LILRA2: variants seen among roughly 807,000 people sequenced by gnomAD.
LILRA2 encodes leukocyte immunoglobulin-like receptor subfamily A member 2.
A neutral mutation model predicts 47.9 loss-of-function variants in LILRA2; 45 were observed. The observed-to-expected ratio is 0.94, with a 90% confidence interval of 0.74 to 1.20. LILRA2 has a LOEUF of 1.20. Ranked by LOEUF, LILRA2 falls within the 50% of genes most tolerant of loss-of-function variation. LILRA2 has a pLI of 0.00. For missense variants in LILRA2, 651 were observed against 598.2 expected, an observed-to-expected ratio of 1.09 and a Z score of -0.92; for synonymous variants, 279 against 249.2, an observed-to-expected ratio of 1.12 and a Z score of -1.13.
chr19:54,573,585 C>G (rs1037550919), upstream of LILRA2: 4 of 748,332 alleles, frequency 5.3e-6, no homozygotes, highest in Admixed American at 6.8e-5. Context: ...GCTGCTACAT[C>G]CCAGGTCTCA....
At chr19:54,579,213 G>A (rs2062569334) in intron 6 of LILRA2, among the ~76,000 whole-genome samples, 1 of 152,088 alleles carries the variant, frequency 6.6e-6, no homozygotes, top group Admixed American at 6.5e-5. Context: ...TATTGCCTAG[G>A]TTTTCTTCTA....
rs934551895 is a variant in LILRA2, at chr19:54,588,536, G to C, written c.*1190G>C. 9 of 150,712 alleles carry C rather than the reference G, an allele frequency of 6.0e-5. No individual in the cohort carries two copies. Among genetic ancestry groups the C allele is most frequent in the African/African-American group, 2.2e-4 (9 of 41,220 alleles). 9.3% of individuals were successfully genotyped at this position (150,712 alleles called of 1,614,324 possible). On this transcript the variant is annotated 3_prime_UTR_variant, in exon 8 of 8. Transcript: ENST00000391738. ...CAGGAGAATGGCGTGAACCTGGGAG[G>C]CGGAGCTTGCAATGGGCCGAGATTG...
Position 54,574,858 on chromosome 19 carries a change from T to A in LILRA2, c.480T>A (p.Asp160Glu). 5 of 1,613,326 alleles carry A rather than the reference T, an allele frequency of 3.1e-6. No individual in the cohort carries two copies. The highest frequency in any genetic ancestry group is 4.2e-6 in the Non-Finnish European group (5 of 1,179,844). Reference sequence around the variant, plus strand: ...TCATTCTGTGTAAGGAAGGAGAAGATGAACACCCACAACGCCTGAACTCCC... The same window carrying A: ...TCATTCTGTGTAAGGAAGGAGAAGAAGAACACCCACAACGCCTGAACTCCC... The part of the protein sequence containing the change: ...DGFILCKEGE[D>E]EHPQRLNSHS... The change falls in exon 4 of 8, where the codon GAT (aspartate) becomes GAA (glutamate). Residue 160 changes from aspartate to glutamate, a missense_variant. Asp to Glu is a conservative substitution (Grantham distance 45). Transcript: ENST00000391738.
intron 6 of LILRA2, among the ~76,000 whole-genome samples, chr19:54,586,097 A>G (rs2062796792): frequency 6.6e-6 from 1 of 152,252 alleles, no homozygotes; most frequent in South Asian, 2.1e-4. Flanking sequence ...TCTAAATTAC[A>G]TGCCAATATT....
rs1416891653 is a variant in LILRA2, at chr19:54,574,760, C to T, written c.382C>T (p.Leu128=). 3 of 1,614,282 alleles carry T rather than the reference C, an allele frequency of 1.9e-6. No individual in the cohort carries two copies. The highest frequency in any genetic ancestry group is 2.5e-6 in the Non-Finnish European group (3 of 1,180,044). ...GAYSKPTLSA[L]PSPVVTSGGN... ...CTACAGCAAACCCACCCTCTCAGCT[C>T]TGCCCAGCCCTGTGGTGACCTCAGG... Residue 128 remains leucine (L), a synonymous_variant, in exon 4 of 8, where the codon CTG becomes TTG. Coordinates refer to ENST00000391738, the MANE Select transcript of LILRA2 (RefSeq NM_001130917.3).
intron 6 of LILRA2, among the ~76,000 whole-genome samples, chr19:54,583,760 A>C (rs1041583350): frequency 2.6e-4 from 40 of 152,140 alleles, no homozygotes; most frequent in Admixed American, 2.1e-3. Flanking sequence ...TGGAGCATTT[A>C]ACCCATTTAC....
rs777452258 is a variant in LILRA2, at chr19:54,587,059, T to C, written c.1305T>C (p.Thr435=). 3.1e-6 allele frequency: 5 copies of C among 1,613,304 alleles called. No individual in the cohort carries two copies. Among genetic ancestry groups the C allele is most frequent in the Non-Finnish European group, 4.2e-6 (5 of 1,179,376 alleles). Reference sequence around the variant, plus strand: ...CACAAAACAAGACAGACTCCACGACTAGTGAGTGAGGAGATGCTCTCAGTT... The same window carrying C: ...CACAAAACAAGACAGACTCCACGACCAGTGAGTGAGGAGATGCTCTCAGTT... The part of the protein sequence containing the change: ...SPSQNKTDST[T]TSLGQHPQDY... Residue 435 remains threonine, a splice_region_variant and synonymous_variant, in exon 7 of 8, where the codon ACT becomes ACC. Coordinates refer to ENST00000391738, the MANE Select transcript of LILRA2 (RefSeq NM_001130917.3).
Position 54,575,866 on chromosome 19 carries a change from A to G in LILRA2, c.1012A>G (p.Lys338Glu), listed in dbSNP as rs887887234. Residue 338 changes from lysine (K) to glutamate (E), a missense_variant, in exon 6 of 8, where the codon AAG becomes GAG. Physicochemically the swap from Lys to Glu is moderately conservative, Grantham distance 56 (BLOSUM62 1). Transcript: ENST00000391738. ...VQPVPTVAPG[K>E]NVTLLCQSRG... is the part of the protein sequence containing the mutation. Reference sequence around the variant, plus strand: ...GCCGGTCCCCACAGTAGCCCCAGGAAAGAACGTGACCCTGCTGTGTCAGTC... The same window carrying G: ...GCCGGTCCCCACAGTAGCCCCAGGAGAGAACGTGACCCTGCTGTGTCAGTC... 25 of 1,612,810 alleles carry G rather than the reference A, an allele frequency of 1.6e-5. No homozygotes were observed. Among genetic ancestry groups the G allele is most frequent in the Middle Eastern group, 1.7e-4 (1 of 6,056 alleles).
Position 54,575,010 on chromosome 19 carries a change from A to G in LILRA2, c.632A>G (p.Asp211Gly). The stretch of plus-strand genomic sequence containing the variant: ...CCCTATGTGTGGTCTCTACCCAGTG[A>G]TCTCCTGGAGCTCCTGGTCCCAGGT... ...NSPYVWSLPS[D>G]LLELLVPGVS... Residue 211 changes from aspartate to glycine, a missense_variant, in exon 4 of 8, where the codon GAT becomes GGT. By Grantham distance (94) the Asp-to-Gly change is moderately conservative (BLOSUM62 -1). Transcript: ENST00000391738. The G allele has an allele frequency of 6.2e-7, 1 of 1,614,030 alleles. No homozygotes were observed. The highest frequency in any genetic ancestry group is 8.5e-7 in the Non-Finnish European group (1 of 1,179,880).
At chr19:54,586,382 T>G (rs933882499) in intron 6 of LILRA2, among the ~76,000 whole-genome samples, 1 of 151,346 alleles carries the variant, frequency 6.6e-6, no homozygotes, top group African/African-American at 2.4e-5. Flanking sequence ...TTTGTGTGTG[T>G]GGGTGGGTGT....
Position 54,588,896 on chromosome 19 carries a change from C to A in LILRA2, c.*1550C>A, listed in dbSNP as rs144825533. The A allele has an allele frequency of 1.3e-5, 2 of 151,846 alleles. No individual in the cohort carries two copies. Among genetic ancestry groups the A allele is most frequent in the African/African-American group, 4.8e-5 (2 of 41,516 alleles). The allele number at this position is 151,846 out of a possible 1,614,324, so 9.4% of individuals were successfully genotyped here. ...AGTGAGGCTGGTCTTGAACTCCTGA[C>A]CTCAGGTTATCCACCTGCCTCAGCC... On this transcript the variant is annotated 3_prime_UTR_variant, in exon 8 of 8. Transcript: ENST00000391738.
intron 6 of LILRA2, among the ~76,000 whole-genome samples, chr19:54,581,847 C>T (rs973632070): frequency 4.7e-5 from 7 of 148,964 alleles, no homozygotes; most frequent in Admixed American, 3.3e-4. Flanking sequence ...AAAAAGAGCC[C>T]GCATTGTGCC....
chr19:54,579,276 A>G lies in LILRA2; in HGVS notation c.1255+3167A>G, dbSNP rs1385117883. On this transcript the variant is annotated intron_variant, in intron 6 of 7. Coordinates refer to ENST00000391738, the MANE Select transcript of LILRA2 (RefSeq NM_001130917.3). ...TTAAGTCTTTAATCCATCTTGACTT[A>G]ATTATCGTATAGGGTGTAAGGAAGG... 3.9e-5 allele frequency among the ~76,000 whole-genome samples: 6 copies of G among 152,240 alleles called. No individual in the cohort carries two copies. The South Asian group carries it at 1.2e-3, about 32-fold the overall frequency.
chr19:54,574,806 G>A lies in LILRA2; in HGVS notation c.428G>A (p.Cys143Tyr). ...VTSGGNVTLQ[C>Y]VSQVAFDGFI... is the part of the protein sequence containing the mutation. ...TCAGGAGGGAACGTGACCCTCCAGT[G>A]TGTCTCACAGGTGGCATTTGACGGC... Residue 143 changes from cysteine (C) to tyrosine (Y), a missense_variant, in exon 4 of 8, where the codon TGT (cysteine) becomes TAT (tyrosine). Cys to Tyr is a radical substitution (Grantham distance 194). Transcript: ENST00000391738. 6.2e-7 allele frequency: 1 copy of A among 1,614,280 alleles called. No individual in the cohort carries two copies. Among genetic ancestry groups the A allele is most frequent in the East Asian group, 2.2e-5 (1 of 44,886 alleles).
At chr19:54,577,864 T>C (rs984062378) in intron 6 of LILRA2, 1 of 341,260 alleles carries the variant, frequency 2.9e-6, no homozygotes, top group Non-Finnish European at 4.5e-6. Context: ...AACTTAAAAT[T>C]GTATGCATAT....
intron 6 of LILRA2, among the ~76,000 whole-genome samples, chr19:54,579,491 A>G (rs1371780178): frequency 6.6e-6 from 1 of 152,204 alleles, no homozygotes; most frequent in Non-Finnish European, 1.5e-5. Flanking sequence ...TACCAGTACC[A>G]TGCTGCTTTG....
intron 6 of LILRA2, 53 bp downstream of exon 6, chr19:54,576,162 G>C: frequency 6.2e-7 from 1 of 1,604,886 alleles, no homozygotes; most frequent in Non-Finnish European, 8.5e-7. Flanking sequence ...CTCAGGCCCT[G>C]CCCCCAGCAG....
At chr19:54,577,474 G>A (rs1234617019) in intron 6 of LILRA2, 2 of 1,288,132 alleles carry the variant, frequency 1.6e-6, no homozygotes, top group Admixed American at 2.3e-5. Flanking sequence ...GAGCCCCTGA[G>A]TATAAGCCCT....
chr19:54,581,761 A>C (rs1169693781), intron 6 of LILRA2, among the ~76,000 whole-genome samples: 1 of 149,478 alleles, frequency 6.7e-6, no homozygotes, highest in South Asian at 2.1e-4. Context: ...TACAGATTCA[A>C]TGCCATCCCC....
Sources: allele counts gnomAD v4.1 joint callset (sites outside exome capture counted in the v4.1 genomes callset), GRCh38; gene constraint gnomAD v4.1.1; transcripts MANE v1.5; gene names NCBI Gene and HGNC (gene_info 2026-07-23, HGNC 2026-07-21).